Variants in TMEM245 observed in about 807,000 individuals in gnomAD.
The protein encoded by TMEM245 is protein CG-2.
TMEM245 carries 69 observed loss-of-function variants against 101.2 expected under a neutral mutation model. The observed-to-expected ratio is 0.68, with a 90% confidence interval of 0.56 to 0.83. TMEM245 has a LOEUF of 0.83. TMEM245 is among the 40% of genes least tolerant of loss of function. The probability of loss-of-function intolerance (pLI) is 0.00; values close to 1 mark genes in which losing one functional copy is unlikely to be tolerated. For synonymous variants in TMEM245, 537 were observed against 449.8 expected (o/e 1.19, Z -2.45); for missense variants, 1,075 against 1,092.8 (o/e 0.98, Z 0.23).
chr9:109,049,080 G>A (rs779688317), intron 14 of TMEM245, among the ~76,000 whole-genome samples: 2 of 152,184 alleles, frequency 1.3e-5, no homozygotes, highest in Non-Finnish European at 2.9e-5. Context: ...GGAAGCGGGG[G>A]TTCTCTTAAG....
At chr9:109,067,700 A>C (rs1447389516) in intron 9 of TMEM245, among the ~76,000 whole-genome samples, 1 of 152,176 alleles carries the variant, frequency 6.6e-6, no homozygotes, top group East Asian at 1.9e-4. Flanking sequence ...GAAGACAAGA[A>C]TCAGTATGTA....
At chr9:109,098,639 T>C (rs1422838328) in intron 3 of TMEM245, among the ~76,000 whole-genome samples, 1 of 151,474 alleles carries the variant, frequency 6.6e-6, no homozygotes, top group Non-Finnish European at 1.5e-5. Context: ...CTTGGCCAAG[T>C]TGTGGTATTA....
chr9:109,043,843 A>G (rs1184527012), intron 14 of TMEM245, among the ~76,000 whole-genome samples: 1 of 152,202 alleles, frequency 6.6e-6, no homozygotes, highest in Non-Finnish European at 1.5e-5. Context: ...AAGGTAGGCC[A>G]TCGTGCATCC....
chr9:109,080,637 A>C (rs527350092), intron 8 of TMEM245, among the ~76,000 whole-genome samples: 1 of 152,256 alleles, frequency 6.6e-6, no homozygotes, highest in African/African-American at 2.4e-5. Context: ...ATAAAAATGC[A>C]TGTAAAAGAG....
intron 17 of TMEM245, among the ~76,000 whole-genome samples, chr9:109,028,661 G>A (rs993916778): frequency 2.0e-5 from 3 of 152,102 alleles, no homozygotes; most frequent in African/African-American, 7.2e-5. Context: ...TGGGTGGGCT[G>A]GGTCTAATCA....
rs758382392 is a variant in TMEM245, at chr9:109,036,297, G to C, written c.2308C>G (p.Gln770Glu). The C allele has an allele frequency of 6.2e-7, 1 of 1,613,852 alleles. No homozygotes were observed. Among genetic ancestry groups the C allele is most frequent in the African/African-American group, 1.3e-5 (1 of 74,882 alleles). Residue 770 changes from glutamine (Q) to glutamate (E), a missense_variant, in exon 16 of 18, where the codon CAA (glutamine) becomes GAA (glutamate). Gln to Glu is a conservative substitution (Grantham distance 29, BLOSUM62 2). Around this residue, in one of 2 missense-constraint regions of TMEM245, gnomAD observed 267 missense variants for 351.3 expected, o/e 0.76. Coordinates refer to ENST00000374586, the MANE Select transcript of TMEM245 (RefSeq NM_032012.4). The part of the protein sequence containing the change: ...VPAVLDLWLT[Q>E]GLGCKAILLL... Reference sequence around the variant, plus strand: ...AAAATGGCCTTGCATCCTAACCCTTGTGTCAGCCACAGGTCAAGAACTGCA... The same window carrying C: ...AAAATGGCCTTGCATCCTAACCCTTCTGTCAGCCACAGGTCAAGAACTGCA...
At chr9:109,061,291 G>C (rs1173867260) in intron 10 of TMEM245, among the ~76,000 whole-genome samples, 2 of 152,072 alleles carry the variant, frequency 1.3e-5, no homozygotes, top group African/African-American at 4.8e-5. Context: ...GCTCCAGCCT[G>C]AGTAACAGAG....
chr9:109,087,633 A>T (rs1034573656), intron 5 of TMEM245, among the ~76,000 whole-genome samples: 1 of 152,182 alleles, frequency 6.6e-6, no homozygotes, highest in African/African-American at 2.4e-5. Flanking sequence ...AGATAATCTC[A>T]TCGTGAAGAT....
intron 14 of TMEM245, among the ~76,000 whole-genome samples, chr9:109,039,660 T>C (rs1473241652): frequency 1.3e-5 from 2 of 150,662 alleles, no homozygotes; most frequent in African/African-American, 2.4e-5. Context: ...AAAGGGCAAG[T>C]GGAGAGAAAA....
At chr9:109,115,471 T>C (rs1250061116) in intron 1 of TMEM245, among the ~76,000 whole-genome samples, 1 of 150,846 alleles carries the variant, frequency 6.6e-6, no homozygotes. Flanking sequence ...ATAAGGTTTC[T>C]AGATGACTAG....
chr9:109,073,902 G>A (rs943907743), intron 8 of TMEM245, among the ~76,000 whole-genome samples: 1 of 141,458 alleles, frequency 7.1e-6, no homozygotes, highest in African/African-American at 2.7e-5. Context: ...TGTCACCCAG[G>A]CTTGCTGGTG....
At chr9:109,037,780 G>A (rs138144646) in intron 15 of TMEM245, among the ~76,000 whole-genome samples, 2 of 152,282 alleles carry the variant, frequency 1.3e-5, no homozygotes, top group Non-Finnish European at 2.9e-5. Flanking sequence ...AGCAGTGAGA[G>A]AACAGACTAA....
At chr9:109,110,535 AAC>A (rs1455503881) in intron 1 of TMEM245, among the ~76,000 whole-genome samples, 2 of 150,430 alleles carry the variant, frequency 1.3e-5, no homozygotes, top group African/African-American at 2.4e-5. Context: ...GGAAAATAAA[AAC>A]AGTCAATTTA....
intron 14 of TMEM245, chr9:109,038,335 G>T: frequency 2.8e-6 from 1 of 352,300 alleles, no homozygotes; most frequent in Non-Finnish European, 5.1e-6. Context: ...TGTTTTATTT[G>T]GAAATATGTT....
chr9:109,099,938 G>A (rs985508899), intron 3 of TMEM245, among the ~76,000 whole-genome samples: 6 of 152,144 alleles, frequency 3.9e-5, no homozygotes, highest in Non-Finnish European at 8.8e-5. Flanking sequence ...CTTGTACCAC[G>A]TGATGATACA....
At chr9:109,046,165 C>A in intron 14 of TMEM245, 1 of 519,678 alleles carries the variant, frequency 1.9e-6, no homozygotes, top group Non-Finnish European at 4.0e-6. Context: ...GACACCCACC[C>A]ACTGGCACTG....
chr9:109,083,430 A>T (rs906232518), intron 7 of TMEM245, among the ~76,000 whole-genome samples: 3 of 152,178 alleles, frequency 2.0e-5, no homozygotes, highest in Non-Finnish European at 4.4e-5. Context: ...AATGTCCCCA[A>T]TCTTTCCATG....
At chr9:109,076,070 C>A (rs1008301583) in intron 8 of TMEM245, among the ~76,000 whole-genome samples, 4 of 152,122 alleles carry the variant, frequency 2.6e-5, no homozygotes, top group African/African-American at 9.7e-5. Flanking sequence ...TTCTAATTTC[C>A]TTTGAAATTT....
chr9:109,119,828 G>C lies in TMEM245; in HGVS notation c.86C>G (p.Pro29Arg), dbSNP rs1028077068. 99 of 1,364,226 alleles carry C rather than the reference G, an allele frequency of 7.3e-5. No individual in the cohort carries two copies. Among genetic ancestry groups the C allele is most frequent in the Non-Finnish European group, 8.5e-5 (91 of 1,068,154 alleles). 84.5% of individuals were successfully genotyped at this position (1,364,226 alleles called of 1,614,324 possible). The change falls in exon 1 of 18, where the codon CCG becomes CGG. Residue 29 changes from proline to arginine, a missense_variant. Physicochemically the swap from Pro to Arg is moderately radical, Grantham distance 103 (BLOSUM62 -2). This residue lies in a region of TMEM245 where 808 missense variants were observed against 741.5 expected (regional missense o/e 1.09). Transcript: ENST00000374586. Reference protein sequence around the residue: ...PAPRVPRAVGPSGGGGETPRT... With the variant: ...PAPRVPRAVGRSGGGGETPRT... ...CGGGGTCTCCCCGCCACCGCCACTC[G>C]GCCCGACCGCGCGCGGGACCCGCGG...
Sources: gnomAD v4.1 joint callset for allele counts (sites outside exome capture counted in the v4.1 genomes callset) on GRCh38, gnomAD v4.1.1 for gene constraint, gnomAD v4.1.1 regional missense constraint, MANE v1.5 for transcripts, NCBI Gene and HGNC (gene_info 2026-07-23, HGNC 2026-07-21) for gene names.